The following SCAI variants were observed in gnomAD, a reference collection of about 807,000 sequenced individuals.
SCAI encodes protein SCAI.
SCAI carries 24 observed loss-of-function variants against 92.2 expected under a neutral mutation model. The observed-to-expected ratio is 0.26, with a 90% CI of 0.19 to 0.37. SCAI has a LOEUF of 0.37. Ranked by LOEUF, SCAI falls within the 10% of genes least tolerant of loss-of-function variation. The pLI is 1.00. For synonymous variants in SCAI, 261 were observed against 258.6 expected, an observed-to-expected ratio of 1.01 and a Z score of -0.09; for missense variants, 450 against 736.2, an observed-to-expected ratio of 0.61 and a Z score of 4.50.
intron 3 of SCAI, among the ~76,000 whole-genome samples, chr9:125,036,639 T>C (rs995061193): frequency 2.3e-4 from 35 of 152,220 alleles, no homozygotes; most frequent in African/African-American, 8.4e-4. Context: ...TTTTTTGAAT[T>C]GGTAATTTAT....
At position 125,046,196 on chromosome 9, in the gene SCAI, GATATATATATATAT is replaced by G. The variant is rs71374222; in HGVS notation, c.230+9666_230+9679del. On this transcript the variant is annotated intron_variant, in intron 3 of 17. Coordinates refer to ENST00000336505, the MANE Select transcript of SCAI (RefSeq NM_001144877.3). ...CAACAAGTGAATAAAGAAATTGTGA[GATATATATATATAT>G]ATATATATATATATGCACACACACA... Among the ~76,000 whole-genome samples, 369 of 51,886 alleles carry G rather than the reference GATATATATATATAT, an allele frequency of 7.1e-3. 28 individuals are homozygous for G. The highest frequency in any genetic ancestry group is 0.034 in the Middle Eastern group (2 of 58). The allele number at this position is 51,886 out of a possible 152,430, so 34.0% of individuals were successfully genotyped here. A position where few individuals can be genotyped will look rare whatever the true frequency, so the allele number is the denominator to read the frequency against.
chr9:125,041,275 G>A (rs928916837), intron 3 of SCAI, among the ~76,000 whole-genome samples: 1 of 151,972 alleles, frequency 6.6e-6, no homozygotes, highest in African/African-American at 2.4e-5. Flanking sequence ...ATGTCTCCAC[G>A]GATCTCTAAT....
rs1831166960 is a variant in SCAI at position 124,947,595 on chromosome 9, A to T, written c.*5212T>A. Reference sequence around the variant, plus strand: ...AGCCCACAATGGGTATGGGTACATAATATACACATACTGTATCACTGCATA... The same window carrying T: ...AGCCCACAATGGGTATGGGTACATATTATACACATACTGTATCACTGCATA... On this transcript the variant is annotated 3_prime_UTR_variant, in exon 18 of 18. Coordinates refer to ENST00000336505, the MANE Select transcript of SCAI (RefSeq NM_001144877.3). 1 of 152,242 alleles carries T rather than the reference A, an allele frequency of 6.6e-6. No individual in the cohort carries two copies. The highest frequency in any genetic ancestry group is 1.5e-5 in the Non-Finnish European group (1 of 68,044). The allele number at this position is 152,242 out of a possible 1,614,324, so 9.4% of individuals were successfully genotyped here.
chr9:124,963,548 G>A (rs1012312505), intron 17 of SCAI, among the ~76,000 whole-genome samples: 13 of 151,594 alleles, frequency 8.6e-5, no homozygotes, highest in Non-Finnish European at 1.5e-4. Flanking sequence ...CCAGGAGTTC[G>A]AGACCAGGTT....
At chr9:125,063,332 G>T (rs1017333141) in intron 2 of SCAI, among the ~76,000 whole-genome samples, 1 of 149,152 alleles carries the variant, frequency 6.7e-6, no homozygotes, top group Admixed American at 6.8e-5. Context: ...AGCCAAGATC[G>T]CACCACTGCA....
Position 125,020,753 on chromosome 9 carries a change from T to A in SCAI, c.529A>T (p.Lys177Ter). ...AATCTTGCATAATATCGTAACTTCT[T>A]AACTACCAATTCAGGTCTATGGAAG... is the stretch of plus-strand genomic sequence containing the variant. ...NKEDRPELVV[K>*]KLRYYARFIV... Residue 177 changes from lysine to a stop codon, truncating the protein, a stop_gained, in exon 7 of 18, where the codon AAG becomes TAG. Coordinates refer to ENST00000336505, the MANE Select transcript of SCAI (RefSeq NM_001144877.3). LOFTEE classifies it high-confidence loss of function. 6.8e-7 allele frequency: 1 copy of A among 1,467,344 alleles called. No individual in the cohort carries two copies. The highest frequency in any genetic ancestry group is 9.4e-7 in the Non-Finnish European group (1 of 1,066,390). The allele number at this position is 1,467,344 out of a possible 1,614,324, so 90.9% of individuals were successfully genotyped here. A position where few individuals can be genotyped will look rare whatever the true frequency, so the allele number is the denominator to read the frequency against.
chr9:125,030,109 G>A (rs1833042998), intron 3 of SCAI, among the ~76,000 whole-genome samples: 1 of 152,096 alleles, frequency 6.6e-6, no homozygotes. Context: ...CACTGCTTTA[G>A]AAAATATACC....
chr9:125,036,237 G>A (rs1222191869), intron 3 of SCAI, among the ~76,000 whole-genome samples: 2 of 152,132 alleles, frequency 1.3e-5, no homozygotes, highest in Non-Finnish European at 1.5e-5. Flanking sequence ...GGATTAGACA[G>A]TATGTGTGGA....
intron 3 of SCAI, among the ~76,000 whole-genome samples, chr9:125,054,468 C>T (rs555442128): frequency 4.6e-5 from 7 of 150,940 alleles, no homozygotes; most frequent in Non-Finnish European, 7.4e-5. Flanking sequence ...AATTTTCGTA[C>T]CCAATACAGA....
intron 2 of SCAI, among the ~76,000 whole-genome samples, chr9:125,140,337 GGC>G (rs1279287078): frequency 3.9e-5 from 6 of 152,150 alleles, no homozygotes; most frequent in African/African-American, 1.4e-4. Context: ...AGACCAGCCT[GGC>G]CAACATGTTG....
At chr9:125,036,028 T>C (rs545960109) in intron 3 of SCAI, among the ~76,000 whole-genome samples, 102 of 152,328 alleles carry the variant, frequency 6.7e-4, no homozygotes, top group South Asian at 1.2e-3. Flanking sequence ...GGCATGCTTG[T>C]AGTCCCAGCT....
intron 2 of SCAI, among the ~76,000 whole-genome samples, chr9:125,062,211 T>C (rs587554): frequency 0.72 from 108,268 of 151,006 alleles, 39,763 homozygotes; most frequent in Non-Finnish European, 0.81. Context: ...CTGCAACCTC[T>C]GCTTCCCAGG....
chr9:125,036,287 A>T (rs1833195343), intron 3 of SCAI, among the ~76,000 whole-genome samples: 1 of 152,226 alleles, frequency 6.6e-6, no homozygotes, highest in Non-Finnish European at 1.5e-5. Context: ...GCACTAATAA[A>T]TGTTAGTTGC....
chr9:125,011,113 A>C (rs1424312862), intron 9 of SCAI, among the ~76,000 whole-genome samples: 1 of 152,214 alleles, frequency 6.6e-6, no homozygotes, highest in Non-Finnish European at 1.5e-5. Flanking sequence ...GGAAACTCTA[A>C]AAAGCAGAGC....
intron 1 of SCAI, among the ~76,000 whole-genome samples, 153 bp downstream of exon 1, chr9:125,143,232 G>A (rs987985031): frequency 5.7e-4 from 85 of 149,548 alleles, no homozygotes; most frequent in African/African-American, 1.8e-3. Flanking sequence ...CCGCGCCGCC[G>A]CCTGCAGGCG....
Position 124,951,777 on chromosome 9 carries a change from A to T in SCAI, c.*1030T>A, listed in dbSNP as rs1399847208. The stretch of plus-strand genomic sequence containing the variant: ...ATCTTTATAATATACACTGAGTCCT[A>T]TTTAAGATAATAAAAATTTTGTGCA... On this transcript the variant is annotated 3_prime_UTR_variant, in exon 18 of 18. Transcript: ENST00000336505. 3 of 152,218 alleles carry T rather than the reference A, an allele frequency of 2.0e-5. No individual in the cohort carries two copies. Among genetic ancestry groups the T allele is most frequent in the Non-Finnish European group, 4.4e-5 (3 of 68,032 alleles). 9.4% of individuals were successfully genotyped at this position (152,218 alleles called of 1,614,324 possible). A position where few individuals can be genotyped will look rare whatever the true frequency, so the allele number is the denominator to read the frequency against.
intron 2 of SCAI, among the ~76,000 whole-genome samples, chr9:125,071,848 C>G (rs1181046570): frequency 2.6e-5 from 4 of 152,150 alleles, no homozygotes; most frequent in African/African-American, 9.7e-5. Flanking sequence ...CTCTAGTGCA[C>G]ACTGGTATAA....
At chr9:124,975,409 T>C (rs889782281) in intron 15 of SCAI, 2 of 454,580 alleles carry the variant, frequency 4.4e-6, no homozygotes, top group African/African-American at 2.0e-5. Context: ...GTTAGGGAGA[T>C]AGTGAAACAG....
chr9:124,954,485 T>C (rs947329531), intron 17 of SCAI, among the ~76,000 whole-genome samples: 9 of 152,210 alleles, frequency 5.9e-5, no homozygotes, highest in African/African-American at 1.9e-4. Flanking sequence ...TCTCATGAGG[T>C]AGCTTCTGTT....
Sources: allele counts gnomAD v4.1 joint callset (sites outside exome capture counted in the v4.1 genomes callset), GRCh38; gene constraint gnomAD v4.1.1; transcripts MANE v1.5; gene names NCBI Gene and HGNC (gene_info 2026-07-23, HGNC 2026-07-21).